Variants in IL26 observed in about 807,000 individuals in gnomAD.
IL26 encodes interleukin-26.
Under a neutral mutation model 21.7 loss-of-function variants are expected in IL26, and 23 were observed. That is an observed-to-expected ratio of 1.06 (90% CI 0.76 to 1.50). IL26 has a LOEUF of 1.50. IL26 is among the 40% of genes most tolerant of loss of function. The probability of loss-of-function intolerance (pLI) is 0.00; values close to 1 mark genes in which losing one functional copy is unlikely to be tolerated. For synonymous variants in IL26, 63 were observed against 67.8 expected, an observed-to-expected ratio of 0.93 and a Z score of 0.34; for missense variants, 204 against 196.0, an observed-to-expected ratio of 1.04 and a Z score of -0.24.
chr12:68,215,573 G>A (rs1024561269), intron 3 of IL26, among the ~76,000 whole-genome samples: 3 of 152,102 alleles, frequency 2.0e-5, no homozygotes, highest in Non-Finnish European at 2.9e-5. Flanking sequence ...GAGAAATTAT[G>A]TATCATTAAC....
chr12:68,206,685 C>T (rs1868552882), intron 3 of IL26, among the ~76,000 whole-genome samples: 1 of 152,186 alleles, frequency 6.6e-6, no homozygotes, highest in Non-Finnish European at 1.5e-5. Flanking sequence ...TAAAGTTAGC[C>T]TATTCCTTCC....
intron 3 of IL26, among the ~76,000 whole-genome samples, chr12:68,211,813 C>T (rs1423792970): frequency 2.6e-5 from 4 of 152,096 alleles, no homozygotes; most frequent in South Asian, 2.1e-4. Flanking sequence ...ATATTTTTTC[C>T]GATTCTGTAG....
chr12:68,211,245 T>C (rs1199915555), intron 3 of IL26, among the ~76,000 whole-genome samples: 2 of 152,234 alleles, frequency 1.3e-5, no homozygotes, highest in Non-Finnish European at 2.9e-5. Flanking sequence ...CCATCCATGT[T>C]GCTGCAAATG....
chr12:68,208,440 A>G (rs1868605658), intron 3 of IL26, among the ~76,000 whole-genome samples: 1 of 152,164 alleles, frequency 6.6e-6, no homozygotes, highest in Non-Finnish European at 1.5e-5. Context: ...TTGCAGCACC[A>G]ATCACAACTT....
chr12:68,221,666 A>G (rs1869049389), intron 3 of IL26, among the ~76,000 whole-genome samples: 1 of 152,262 alleles, frequency 6.6e-6, no homozygotes, highest in Non-Finnish European at 1.5e-5. Flanking sequence ...CAAGTGAAAT[A>G]GATATTGATC....
At chr12:68,212,332 T>C (rs1868756389) in intron 3 of IL26, among the ~76,000 whole-genome samples, 1 of 152,190 alleles carries the variant, frequency 6.6e-6, no homozygotes, top group Non-Finnish European at 1.5e-5. Context: ...TCCAGCTTTG[T>C]TCTTTTTGCT....
intron 3 of IL26, among the ~76,000 whole-genome samples, chr12:68,222,596 C>G (rs919720516): frequency 6.6e-6 from 1 of 152,154 alleles, no homozygotes; most frequent in Non-Finnish European, 1.5e-5. Context: ...TTCTGTCTCC[C>G]GATCGTGGAA....
At chr12:68,203,031 C>G (rs1367027112) in intron 3 of IL26, among the ~76,000 whole-genome samples, 1 of 152,212 alleles carries the variant, frequency 6.6e-6, no homozygotes, top group African/African-American at 2.4e-5. Context: ...AAAAATCACT[C>G]TGCCTATCAT....
At chr12:68,220,492 T>C (rs1347128736) in intron 3 of IL26, among the ~76,000 whole-genome samples, 1 of 152,262 alleles carries the variant, frequency 6.6e-6, no homozygotes, top group Non-Finnish European at 1.5e-5. Flanking sequence ...CTAAATGTGA[T>C]ATTTAAAATG....
In IL26 at chr12:68,225,175, T is replaced by G. The variant is rs780593964; in HGVS notation, c.337A>C (p.Ser113Arg). The change falls in exon 3 of 5, where the codon AGC becomes CGC. Residue 113 changes from serine (S) to arginine (R), a missense_variant. Coordinates refer to ENST00000229134, the MANE Select transcript of IL26 (RefSeq NM_018402.2). Reference protein sequence around the residue: ...KKIRFVEDFHSLRQKLSHCIS... With the variant: ...KKIRFVEDFHRLRQKLSHCIS... The stretch of plus-strand genomic sequence containing the variant: ...CAGTGGCTCAATTTCTGCCTAAGGC[T>G]ATGAAAGTCCTCCACAAAGCGTATT... The G allele has an allele frequency of 2.5e-6, 4 of 1,612,950 alleles. No homozygotes were observed. The highest frequency in any genetic ancestry group is 1.6e-4 in the Middle Eastern group (1 of 6,082).
At position 68,201,836 on chromosome 12, in the gene IL26, G is replaced by A. The variant is rs1868396694; in HGVS notation, c.*9C>T. The A allele has an allele frequency of 1.3e-6, 2 of 1,542,112 alleles. No homozygotes were observed. The highest frequency in any genetic ancestry group is 1.8e-6 in the Non-Finnish European group (2 of 1,134,156). On this transcript the variant is annotated 3_prime_UTR_variant, in exon 5 of 5. Coordinates refer to ENST00000229134, the MANE Select transcript of IL26 (RefSeq NM_018402.2). Reference sequence around the variant, plus strand: ...AAATAACTGTAAAATCAATGTACTTGGCTTTGGTTTACTGACTGCTTTCCA... The same window carrying A: ...AAATAACTGTAAAATCAATGTACTTAGCTTTGGTTTACTGACTGCTTTCCA...
intron 3 of IL26, among the ~76,000 whole-genome samples, chr12:68,221,413 T>C (rs1869042015): frequency 6.6e-6 from 1 of 152,206 alleles, no homozygotes; most frequent in Non-Finnish European, 1.5e-5. Context: ...CAATTATTTA[T>C]TTCATCACCT....
chr12:68,216,386 C>T (rs114343572), intron 3 of IL26, among the ~76,000 whole-genome samples: 1 of 152,112 alleles, frequency 6.6e-6, no homozygotes, highest in Non-Finnish European at 1.5e-5. Context: ...CTTAAGAGAA[C>T]CACTCCTTCG....
intron 3 of IL26, among the ~76,000 whole-genome samples, chr12:68,221,393 CA>C (rs1298933356): frequency 6.6e-6 from 1 of 152,106 alleles, no homozygotes; most frequent in Admixed American, 6.5e-5. Context: ...TCCATACCCT[CA>C]AAATGTGGCA....
chr12:68,205,495 A>G (rs901571761), intron 3 of IL26, among the ~76,000 whole-genome samples: 9 of 152,176 alleles, frequency 5.9e-5, no homozygotes, highest in African/African-American at 1.7e-4. Flanking sequence ...TAAGGAAGAG[A>G]AAATATATTT....
At chr12:68,225,333 T>C in intron 2 of IL26, 50 bp from the exon 3 acceptor site, 3 of 1,573,950 alleles carry the variant, frequency 1.9e-6, no homozygotes, top group Non-Finnish European at 2.6e-6. Context: ...GAATCGTTTT[T>C]TAATGTCCCC....
intron 3 of IL26, 114 bp downstream of exon 3, chr12:68,225,035 C>G (rs1427594851): frequency 1.9e-6 from 2 of 1,058,978 alleles, no homozygotes; most frequent in Non-Finnish European, 2.7e-6. Flanking sequence ...GGACTACAAG[C>G]CAACAATTAC....
At chr12:68,225,106 G>T (rs1869199711) in intron 3 of IL26, 43 bp downstream of exon 3, 1 of 1,558,618 alleles carries the variant, frequency 6.4e-7, no homozygotes, top group South Asian at 1.2e-5. Flanking sequence ...CTTCTAAACA[G>T]GTTTCTAGGA....
intron 3 of IL26, among the ~76,000 whole-genome samples, chr12:68,223,884 G>GTTTTTTTTTTTTTTTTTTTTTGTTTT (rs376115904): frequency 1.2e-4 from 16 of 132,252 alleles, no homozygotes; most frequent in Non-Finnish European, 2.4e-4. Flanking sequence ...AAATTTGGTG[G>GTTTTTTTTTTTTTTTTTTTTTGTTTT]TTTTTTTTTT....
Sources: gnomAD v4.1 joint callset for allele counts (sites outside exome capture counted in the v4.1 genomes callset) on GRCh38, gnomAD v4.1.1 for gene constraint, MANE v1.5 for transcripts, NCBI Gene and HGNC (gene_info 2026-07-23, HGNC 2026-07-21) for gene names.